The following KLF12 variants were observed in gnomAD, a reference collection of about 807,000 sequenced individuals.
KLF12 encodes KLF transcription factor 12.
KLF12 carries 9 observed loss-of-function variants against 37.8 expected under a neutral mutation model. That is an observed-to-expected ratio of 0.24 (90% CI 0.14 to 0.42). The LOEUF is 0.42. Among genes scored for constraint, KLF12 ranks in the 10% least tolerant of loss-of-function variants. KLF12 has a pLI of 1.00. For missense variants in KLF12, 411 were observed against 516.0 expected, an observed-to-expected ratio of 0.80 and a Z score of 1.97; for synonymous variants, 208 against 202.1, an observed-to-expected ratio of 1.03 and a Z score of -0.25.
At chr13:73,917,907 T>G (rs1301195250) in intron 3 of KLF12, among the ~76,000 whole-genome samples, 1 of 152,058 alleles carries the variant, frequency 6.6e-6, no homozygotes, top group African/African-American at 2.4e-5. Flanking sequence ...GTTGGGCTTT[T>G]CTACTGTGAA....
At chr13:73,765,324 A>G (rs1045918410) in intron 5 of KLF12, among the ~76,000 whole-genome samples, 1 of 152,146 alleles carries the variant, frequency 6.6e-6, no homozygotes, top group Non-Finnish European at 1.5e-5. Flanking sequence ...GGTGGGTAAA[A>G]GTTATCTAAG....
intron 5 of KLF12, among the ~76,000 whole-genome samples, chr13:73,805,604 AGAAGGAAG>A (rs1206307171): frequency 1.1e-5 from 1 of 89,614 alleles, no homozygotes; most frequent in East Asian, 5.6e-4. Flanking sequence ...AGGCACTGTC[AGAAGGAAG>A]GGAGGGAGGG....
intron 5 of KLF12, among the ~76,000 whole-genome samples, chr13:73,774,192 T>TA (rs1353073216): frequency 6.6e-6 from 1 of 152,066 alleles, no homozygotes; most frequent in African/African-American, 2.4e-5. Flanking sequence ...AGTCTTATTT[T>TA]ACCTAAAGAT....
chr13:74,180,997 A>G, the KLF12 span, among the ~76,000 whole-genome samples: 2 of 152,028 alleles, frequency 1.3e-5, no homozygotes, highest in African/African-American at 4.8e-5. Context: ...CCTGGAAAAT[A>G]TCTTTTTCTT....
chr13:74,183,973 A>AT, the KLF12 span, among the ~76,000 whole-genome samples: 2 of 152,184 alleles, frequency 1.3e-5, no homozygotes, highest in Non-Finnish European at 2.9e-5. Context: ...TTTATATTGT[A>AT]TTCTAATAAA....
the KLF12 span, among the ~76,000 whole-genome samples, chr13:74,142,938 T>C: frequency 2.0e-5 from 3 of 152,174 alleles, no homozygotes; most frequent in Non-Finnish European, 2.9e-5. Context: ...ATCATCTCTG[T>C]GTCCTAATAC....
chr13:73,753,167 G>C (rs1878905158), intron 6 of KLF12, among the ~76,000 whole-genome samples: 1 of 152,080 alleles, frequency 6.6e-6, no homozygotes, highest in Non-Finnish European at 1.5e-5. Context: ...GTCCCACCCA[G>C]ACTGCGGACT....
At chr13:73,749,045 C>G (rs1367497833) in intron 6 of KLF12, among the ~76,000 whole-genome samples, 1 of 152,064 alleles carries the variant, frequency 6.6e-6, no homozygotes, top group African/African-American at 2.4e-5. Flanking sequence ...TATAGAGTAC[C>G]TATGTTCAGT....
At chr13:74,041,816 A>G (rs1893412517) in intron 1 of KLF12, among the ~76,000 whole-genome samples, 1 of 152,068 alleles carries the variant, frequency 6.6e-6, no homozygotes, top group Admixed American at 6.6e-5. Flanking sequence ...GCTTTGGTCT[A>G]ATATTTCCTC....
intron 6 of KLF12, among the ~76,000 whole-genome samples, chr13:73,720,307 A>T (rs1010554138): frequency 2.6e-5 from 4 of 152,190 alleles, no homozygotes; most frequent in Admixed American, 6.5e-5. Flanking sequence ...GCACCTGAAG[A>T]ATCCTCACAG....
At chr13:73,823,497 G>A (rs997336807) in intron 4 of KLF12, among the ~76,000 whole-genome samples, 51 of 152,112 alleles carry the variant, frequency 3.4e-4, no homozygotes, top group Non-Finnish European at 5.7e-4. Flanking sequence ...TATGCTCTCC[G>A]TGCCTCATTT....
the KLF12 span, among the ~76,000 whole-genome samples, chr13:74,256,375 C>T: frequency 3.3e-5 from 5 of 152,152 alleles, no homozygotes; most frequent in Non-Finnish European, 5.9e-5. Context: ...GGGTCTTGTT[C>T]TTGTACATTT....
chr13:73,723,237 C>G (rs991852616), intron 6 of KLF12, among the ~76,000 whole-genome samples: 9 of 152,182 alleles, frequency 5.9e-5, no homozygotes, highest in Admixed American at 2.6e-4. Flanking sequence ...TATAGAGTAT[C>G]TATTCAAAAT....
chr13:74,176,485 T>TCA, the KLF12 span, among the ~76,000 whole-genome samples: 1 of 152,116 alleles, frequency 6.6e-6, no homozygotes, highest in Non-Finnish European at 1.5e-5. Context: ...CTTATAACCC[T>TCA]CACCCCACTC....
chr13:74,071,502 C>A (rs1407613951), intron 1 of KLF12, among the ~76,000 whole-genome samples: 1 of 146,460 alleles, frequency 6.8e-6, no homozygotes, highest in South Asian at 2.3e-4. Flanking sequence ...CTGGCTAACA[C>A]AGTGAAACCC....
intron 3 of KLF12, among the ~76,000 whole-genome samples, chr13:73,916,990 A>G (rs148807835): frequency 3.2e-4 from 48 of 152,278 alleles, no homozygotes; most frequent in African/African-American, 7.7e-4. Flanking sequence ...GGACATGCAC[A>G]CTAATATTCC....
chr13:73,912,626 G>A (rs1160289481), intron 3 of KLF12, among the ~76,000 whole-genome samples: 1 of 152,244 alleles, frequency 6.6e-6, no homozygotes, highest in South Asian at 2.1e-4. Flanking sequence ...AGGTTTCAGA[G>A]AGCCCATGTC....
At chr13:74,122,770 A>G (rs1316550052) in intron 1 of KLF12, among the ~76,000 whole-genome samples, 1 of 152,080 alleles carries the variant, frequency 6.6e-6, no homozygotes, top group Non-Finnish European at 1.5e-5. Context: ...AAAAGATAAA[A>G]GAGTTTCAAA....
At chr13:73,725,833 GTATTTATTTATTTATTTATTTATT>G (rs71919762) in intron 6 of KLF12, among the ~76,000 whole-genome samples, 9 of 142,192 alleles carry the variant, frequency 6.3e-5, no homozygotes, top group Non-Finnish European at 1.1e-4. Flanking sequence ...ATTTCAAAAT[GTATTTATTTATTTATTTATTTATT>G]TATTTATTTA....
Sources: gnomAD v4.1 joint callset for allele counts (sites outside exome capture counted in the v4.1 genomes callset) on GRCh38, gnomAD v4.1.1 for gene constraint, MANE v1.5 for transcripts, NCBI Gene and HGNC (gene_info 2026-07-23, HGNC 2026-07-21) for gene names.